TENM3: variants seen among roughly 807,000 people sequenced by gnomAD.
The protein encoded by TENM3 is teneurin transmembrane protein 3.
In TENM3, 63 loss-of-function variants were observed where a neutral mutation model predicts 255.1. That is an observed-to-expected ratio of 0.25 (90% confidence interval 0.20 to 0.30). The LOEUF is 0.30. TENM3 is among the 10% of genes least tolerant of loss of function. TENM3 has a pLI of 1.00. For synonymous variants in TENM3, 1,306 were observed against 1,322.3 expected (o/e 0.99, Z 0.27); for missense variants, 2,929 against 3,461.1 (o/e 0.85, Z 3.86).
At chr4:182,467,645 C>T (rs964648455) in intron 3 of TENM3, among the ~76,000 whole-genome samples, 5 of 152,130 alleles carry the variant, frequency 3.3e-5, no homozygotes, top group Admixed American at 6.5e-5. Context: ...GAGAAGTGGA[C>T]TTAAGGAGGC....
chr4:182,677,008 A>G (rs1306651646), intron 7 of TENM3, among the ~76,000 whole-genome samples: 1 of 152,212 alleles, frequency 6.6e-6, no homozygotes, highest in Non-Finnish European at 1.5e-5. Context: ...CCCCAAAAAT[A>G]TATCTGCATC....
intron 3 of TENM3, among the ~76,000 whole-genome samples, chr4:182,454,825 G>T (rs943416575): frequency 6.6e-6 from 1 of 152,066 alleles, no homozygotes; most frequent in Non-Finnish European, 1.5e-5. Context: ...TTTATTAAAC[G>T]CAGTACAAGA....
At chr4:181,605,975 G>C in the TENM3 span, among the ~76,000 whole-genome samples, 1 of 152,274 alleles carries the variant, frequency 6.6e-6, no homozygotes, top group East Asian at 1.9e-4. Flanking sequence ...TTCTTCAAAT[G>C]ACCTGAGGGT....
intron 1 of TENM3, among the ~76,000 whole-genome samples, chr4:182,268,388 C>A (rs1338741276): frequency 6.6e-6 from 1 of 152,072 alleles, no homozygotes; most frequent in Admixed American, 6.6e-5. Flanking sequence ...CCCTATTCAG[C>A]CTAAAAACAT....
chr4:182,563,774 A>T (rs1743474636), intron 3 of TENM3, among the ~76,000 whole-genome samples: 1 of 152,230 alleles, frequency 6.6e-6, no homozygotes, highest in Non-Finnish European at 1.5e-5. Context: ...TAAGGAATAC[A>T]CTAGGAAAAA....
intron 13 of TENM3, among the ~76,000 whole-genome samples, chr4:182,723,820 G>A (rs1759944024): frequency 6.6e-6 from 1 of 152,132 alleles, no homozygotes; most frequent in South Asian, 2.1e-4. Flanking sequence ...ACACATTCAT[G>A]CCCATTCATT....
At chr4:181,863,096 T>TA in the TENM3 span, among the ~76,000 whole-genome samples, 2,764 of 152,262 alleles carry the variant, frequency 0.018, 44 homozygotes, top group Middle Eastern at 0.051. Flanking sequence ...TTCTTAACTT[T>TA]TATAAGTGCT....
chr4:182,544,366 C>T (rs1276508657), intron 3 of TENM3, among the ~76,000 whole-genome samples: 3 of 109,252 alleles, frequency 2.7e-5, no homozygotes, highest in Admixed American at 1.4e-4. Context: ...GAGTTTTGCT[C>T]TGTCACTAGG....
chr4:182,264,659 A>G (rs1276825323), intron 1 of TENM3, among the ~76,000 whole-genome samples: 1 of 152,160 alleles, frequency 6.6e-6, no homozygotes, highest in African/African-American at 2.4e-5. Context: ...GATTATCTGC[A>G]TGACCTTGTC....
At chr4:181,920,016 G>C in the TENM3 span, among the ~76,000 whole-genome samples, 13 of 151,466 alleles carry the variant, frequency 8.6e-5, no homozygotes, top group African/African-American at 3.1e-4. Context: ...AGTTTACTGA[G>C]AATGATGATT....
chr4:181,639,991 C>T, the TENM3 span, among the ~76,000 whole-genome samples: 1 of 152,160 alleles, frequency 6.6e-6, no homozygotes, highest in Non-Finnish European at 1.5e-5. Flanking sequence ...GCAGTGAATA[C>T]ATTTATCTCC....
intron 13 of TENM3, among the ~76,000 whole-genome samples, chr4:182,716,484 G>C (rs1054256212): frequency 6.6e-6 from 1 of 152,122 alleles, no homozygotes; most frequent in Non-Finnish European, 1.5e-5. Context: ...TGGATTCTCT[G>C]CTTATCTCAC....
At chr4:181,580,075 G>A in the TENM3 span, among the ~76,000 whole-genome samples, 1,533 of 151,558 alleles carry the variant, frequency 0.01, 26 homozygotes, top group African/African-American at 0.035. Flanking sequence ...TCAACTCACC[G>A]CAACCTCCCC....
chr4:181,563,390 A>T, the TENM3 span, among the ~76,000 whole-genome samples: 2 of 152,194 alleles, frequency 1.3e-5, no homozygotes, highest in Admixed American at 1.3e-4. Flanking sequence ...AAGGGACACC[A>T]GGCATTTTGG....
intron 13 of TENM3, among the ~76,000 whole-genome samples, chr4:182,717,540 A>C (rs1007060822): frequency 7.2e-4 from 109 of 152,290 alleles, no homozygotes; most frequent in Middle Eastern, 3.4e-3. Flanking sequence ...TGCTTCTCAA[A>C]TCCAGCTCCA....
At chr4:181,717,437 A>AT in the TENM3 span, among the ~76,000 whole-genome samples, 1,263 of 152,268 alleles carry the variant, frequency 8.3e-3, 8 homozygotes, top group Non-Finnish European at 0.011. Flanking sequence ...TCCATTTTCT[A>AT]TTTTTTAGTG....
chr4:182,728,897 A>G, intron 13 of TENM3, 68 bp from the exon 14 acceptor site: 1 of 1,307,366 alleles, frequency 7.6e-7, no homozygotes, highest in South Asian at 1.3e-5. Flanking sequence ...CAGTCAAGAA[A>G]CAAAACTGAT....
chr4:182,442,853 C>T (rs140399694), intron 3 of TENM3, among the ~76,000 whole-genome samples: 79,123 of 148,052 alleles, frequency 0.53, 21,387 homozygotes, highest in East Asian at 0.71. Flanking sequence ...TATATACACA[C>T]ACACACACAC....
chr4:182,170,625 G>T (rs1561163807), intron 1 of TENM3, among the ~76,000 whole-genome samples: 2 of 151,338 alleles, frequency 1.3e-5, no homozygotes, highest in Non-Finnish European at 3.0e-5. Context: ...TCAGGTTTTG[G>T]TTAATGGTAA....
Sources: allele counts gnomAD v4.1 joint callset (sites outside exome capture counted in the v4.1 genomes callset), GRCh38; gene constraint gnomAD v4.1.1; transcripts MANE v1.5; gene names NCBI Gene and HGNC (gene_info 2026-07-23, HGNC 2026-07-21).